The following SUPT3H variants were observed in gnomAD, a reference collection of about 807,000 sequenced individuals.
SUPT3H encodes transcription initiation protein SPT3 homolog.
A neutral mutation model predicts 44.3 loss-of-function variants in SUPT3H; 44 were observed. The ratio of observed to expected loss-of-function variants is 0.99; its 90% CI spans 0.78 to 1.28. The LOEUF is 1.28. Among genes scored for constraint, SUPT3H ranks in the 50% most tolerant of loss-of-function variants. The probability of loss-of-function intolerance (pLI) is 0.00; values close to 1 mark genes in which losing one functional copy is unlikely to be tolerated. For missense variants in SUPT3H, 380 were observed against 387.1 expected (o/e 0.98, Z 0.15); for synonymous variants, 124 against 125.6 (o/e 0.99, Z 0.09).
chr6:44,987,719 C>G (rs145747637), intron 6 of SUPT3H, among the ~76,000 whole-genome samples: 1 of 152,046 alleles, frequency 6.6e-6, no homozygotes, highest in South Asian at 2.1e-4. Context: ...GAAATTATAA[C>G]ATTTTTCTGT....
intron 11 of SUPT3H, among the ~76,000 whole-genome samples, chr6:44,814,515 G>A (rs1339328278): frequency 6.6e-6 from 1 of 152,136 alleles, no homozygotes; most frequent in African/African-American, 2.4e-5. Context: ...GAGGCAGCGT[G>A]GATCTCTAGA....
intron 2 of SUPT3H, among the ~76,000 whole-genome samples, chr6:45,338,209 A>G (rs1788990962): frequency 6.6e-6 from 1 of 152,138 alleles, no homozygotes; most frequent in East Asian, 1.9e-4. Context: ...AATAATTCAC[A>G]ATATTATGCT....
At chr6:45,140,228 A>C (rs2153589164) in intron 2 of SUPT3H, among the ~76,000 whole-genome samples, 1 of 152,074 alleles carries the variant, frequency 6.6e-6, no homozygotes, top group South Asian at 2.1e-4. Context: ...TCCAACCAAC[A>C]AGAGTCCGAG....
At chr6:45,218,574 A>G (rs545333706) in intron 2 of SUPT3H, among the ~76,000 whole-genome samples, 1 of 152,336 alleles carries the variant, frequency 6.6e-6, no homozygotes, top group East Asian at 1.9e-4. Context: ...TACTAAAAAA[A>G]TATTTAAAAA....
chr6:45,148,589 G>A (rs1225544525), intron 2 of SUPT3H, among the ~76,000 whole-genome samples: 1 of 152,154 alleles, frequency 6.6e-6, no homozygotes, highest in Non-Finnish European at 1.5e-5. Context: ...CACCATGTGA[G>A]TTGTGACTGA....
chr6:45,124,586 A>G (rs1294900796), intron 2 of SUPT3H, among the ~76,000 whole-genome samples: 2 of 151,776 alleles, frequency 1.3e-5, no homozygotes, highest in South Asian at 4.2e-4. Flanking sequence ...CGGAGGTTGC[A>G]GCAAGCTGAG....
chr6:45,037,599 G>T (rs1373426387), intron 3 of SUPT3H, among the ~76,000 whole-genome samples: 1 of 151,784 alleles, frequency 6.6e-6, no homozygotes. Context: ...GGGAAGTGGA[G>T]GTTGCAATGA....
At chr6:45,112,989 G>GT (rs1387493253) in intron 2 of SUPT3H, among the ~76,000 whole-genome samples, 6 of 87,578 alleles carry the variant, frequency 6.9e-5, no homozygotes, top group African/African-American at 3.6e-4. Context: ...AATTAGTTCT[G>GT]GTTTTTTTGG....
intron 3 of SUPT3H, among the ~76,000 whole-genome samples, chr6:45,055,254 TCTA>T (rs1253551498): frequency 6.6e-6 from 1 of 151,994 alleles, no homozygotes; most frequent in East Asian, 1.9e-4. Context: ...CCAAAAGCAA[TCTA>T]CTAATTCAAT....
At chr6:45,058,084 T>A (rs1279303889) in intron 3 of SUPT3H, among the ~76,000 whole-genome samples, 1 of 152,094 alleles carries the variant, frequency 6.6e-6, no homozygotes, top group Admixed American at 6.6e-5. Context: ...GGGGTGCTTA[T>A]TTTTTTAACT....
chr6:44,994,713 T>G (rs763270524), intron 6 of SUPT3H, among the ~76,000 whole-genome samples: 1 of 152,170 alleles, frequency 6.6e-6, no homozygotes, highest in Middle Eastern at 3.2e-3. Context: ...TATAGTCATT[T>G]GTGCTCCTAT....
At position 44,964,485 on chromosome 6, in the gene SUPT3H, G is replaced by A. The variant is rs73735285; in HGVS notation, c.505-2657C>T. 3.9e-3 allele frequency among the ~76,000 whole-genome samples: 596 copies of A among 152,192 alleles called. 7 individuals carry two copies. Among genetic ancestry groups the A allele is most frequent in the African/African-American group, 0.014 (567 of 41,550 alleles). On this transcript the variant is annotated intron_variant, in intron 6 of 10. Transcript: ENST00000371459. The stretch of plus-strand genomic sequence containing the variant: ...TACATAGCTGATGTATTCGCAATAA[G>A]TGTTTCTAGAAATGAGAGGTAGCAA...
At chr6:44,947,458 T>A (rs2153470857) in intron 9 of SUPT3H, among the ~76,000 whole-genome samples, 1 of 152,284 alleles carries the variant, frequency 6.6e-6, no homozygotes, top group South Asian at 2.1e-4. Flanking sequence ...AAAATCCATG[T>A]TCATGGATTG....
At chr6:44,999,332 T>C (rs1343790088) in intron 6 of SUPT3H, among the ~76,000 whole-genome samples, 5 of 152,016 alleles carry the variant, frequency 3.3e-5, no homozygotes, top group Non-Finnish European at 7.4e-5. Flanking sequence ...CTTGAACTCC[T>C]AGGCTCAAAT....
intron 2 of SUPT3H, among the ~76,000 whole-genome samples, chr6:45,176,753 G>C (rs1036962723): frequency 8.1e-4 from 122 of 151,042 alleles, no homozygotes; most frequent in African/African-American, 2.6e-3. Context: ...GCCTCCTCAA[G>C]TGGGTCCCTG....
intron 2 of SUPT3H, among the ~76,000 whole-genome samples, chr6:45,182,181 G>A (rs1209961820): frequency 6.6e-6 from 1 of 152,162 alleles, no homozygotes; most frequent in Non-Finnish European, 1.5e-5. Flanking sequence ...TGAGTATTCT[G>A]AAGAAGCCAC....
intron 2 of SUPT3H, among the ~76,000 whole-genome samples, chr6:45,270,091 G>C (rs1167728737): frequency 6.6e-6 from 1 of 152,012 alleles, no homozygotes; most frequent in African/African-American, 2.4e-5. Context: ...TTCATATGAA[G>C]GGACTTCATA....
chr6:45,072,494 T>C (rs191325459), intron 3 of SUPT3H, among the ~76,000 whole-genome samples: 340 of 152,202 alleles, frequency 2.2e-3, no homozygotes, highest in Non-Finnish European at 3.4e-3. Context: ...GTGGTGAAGG[T>C]AGAAAACAAA....
In SUPT3H at chr6:45,023,658, A is replaced by G. The variant is rs371236336; in HGVS notation, c.187-3026T>C. ...TGGAGTCGGAGGCTAACTAATGCAGAAACAGAAAACCAAATACTGCATGTT... is the reference window on the plus strand; with the variant it reads ...TGGAGTCGGAGGCTAACTAATGCAGGAACAGAAAACCAAATACTGCATGTT... On this transcript the variant is annotated intron_variant, in intron 3 of 10. Transcript: ENST00000371459. 1.1e-4 allele frequency among the ~76,000 whole-genome samples: 16 copies of G among 152,218 alleles called. No homozygotes were observed. The East Asian group carries it at 2.5e-3, about 24-fold the overall frequency.
Sources: allele counts gnomAD v4.1 joint callset (sites outside exome capture counted in the v4.1 genomes callset), GRCh38; gene constraint gnomAD v4.1.1; transcripts MANE v1.5; gene names NCBI Gene and HGNC (gene_info 2026-07-23, HGNC 2026-07-21).